Variants in PTPRT observed in about 807,000 individuals in gnomAD.
PTPRT encodes receptor-type tyrosine-protein phosphatase T.
In PTPRT, 56 loss-of-function variants were observed where a neutral mutation model predicts 176.8. That is an observed-to-expected ratio of 0.32 (90% CI 0.26 to 0.40). The LOEUF is 0.40. Among genes scored for constraint, PTPRT ranks in the 10% least tolerant of loss-of-function variants. The probability of loss-of-function intolerance (pLI) is 1.00; values close to 1 mark genes in which losing one functional copy is unlikely to be tolerated. For missense variants in PTPRT, 1,540 were observed against 1,908.2 expected (o/e 0.81, Z 3.60); for synonymous variants, 783 against 739.0 (o/e 1.06, Z -0.96).
chr20:42,480,121 C>T (rs577023311), intron 7 of PTPRT, among the ~76,000 whole-genome samples: 3 of 152,282 alleles, frequency 2.0e-5, no homozygotes, highest in South Asian at 2.1e-4. Context: ...AGCATGGAGG[C>T]ATCATGACAT....
chr20:42,805,153 C>A (rs1209275285), intron 2 of PTPRT, among the ~76,000 whole-genome samples: 3 of 152,130 alleles, frequency 2.0e-5, no homozygotes, highest in Non-Finnish European at 4.4e-5. Flanking sequence ...TAAAACAATA[C>A]ATGGGGAAAC....
intron 15 of PTPRT, among the ~76,000 whole-genome samples, chr20:42,222,612 C>A (rs1450689468): frequency 6.6e-6 from 1 of 152,204 alleles, no homozygotes; most frequent in Non-Finnish European, 1.5e-5. Flanking sequence ...CCTATGAGGG[C>A]TGCGTTTGGA....
chr20:43,007,153 C>T (rs889970667), intron 1 of PTPRT, among the ~76,000 whole-genome samples: 2 of 152,136 alleles, frequency 1.3e-5, no homozygotes, highest in African/African-American at 2.4e-5. Context: ...GAAACCTCAT[C>T]ACTTATGTAG....
rs1205050074 is a variant in PTPRT, at chr20:42,654,946, C to G, written c.1153+22920G>C. Among the ~76,000 whole-genome samples, 4 of 152,294 alleles carry G rather than the reference C, an allele frequency of 2.6e-5. No homozygotes were observed. The East Asian group carries it at 7.7e-4, about 29-fold the overall frequency. On this transcript the variant is annotated intron_variant, in intron 7 of 30. Coordinates refer to ENST00000373187, the MANE Select transcript of PTPRT (RefSeq NM_007050.6). Reference sequence around the variant, plus strand: ...TATCTTATTGCATTAATGTTATATGCATTTAAATTCACTTTCCCATTTAGT... The same window carrying G: ...TATCTTATTGCATTAATGTTATATGGATTTAAATTCACTTTCCCATTTAGT...
intron 7 of PTPRT, among the ~76,000 whole-genome samples, chr20:42,474,714 C>T (rs1431617489): frequency 6.6e-6 from 1 of 152,198 alleles, no homozygotes; most frequent in African/African-American, 2.4e-5. Context: ...GTTGTACCGA[C>T]TGCAATGAGA....
chr20:42,621,254 A>G (rs1219319026), intron 7 of PTPRT, among the ~76,000 whole-genome samples: 1 of 151,750 alleles, frequency 6.6e-6, no homozygotes, highest in East Asian at 1.9e-4. Flanking sequence ...GCCCACACCA[A>G]TTACCCTCTT....
chr20:42,422,698 G>A (rs547346306), intron 9 of PTPRT, among the ~76,000 whole-genome samples: 2 of 152,144 alleles, frequency 1.3e-5, no homozygotes, highest in Non-Finnish European at 2.9e-5. Context: ...CCATTACTGG[G>A]TATATACCCA....
intron 2 of PTPRT, among the ~76,000 whole-genome samples, chr20:42,882,430 G>T (rs759673102): frequency 1.8e-4 from 28 of 152,176 alleles, no homozygotes; most frequent in Admixed American, 9.2e-4. Context: ...AGAAGCAAAA[G>T]CCATGTCTTT....
rs936037818 is a variant in PTPRT at position 42,129,140 on chromosome 20, A to G, written c.2771-310T>C. ...GGGATGGAAATACTTGCTTCATAGG[A>G]CAATGTGAGAGAGACCATATAAAAA... On this transcript the variant is annotated intron_variant, in intron 18 of 30. Coordinates refer to ENST00000373187, the MANE Select transcript of PTPRT (RefSeq NM_007050.6). 2.0e-5 allele frequency among the ~76,000 whole-genome samples: 3 copies of G among 152,222 alleles called. No homozygotes were observed. The East Asian group carries it at 5.8e-4, about 29-fold the overall frequency.
chr20:42,462,855 T>C (rs1481406771), intron 8 of PTPRT, among the ~76,000 whole-genome samples: 1 of 152,218 alleles, frequency 6.6e-6, no homozygotes, highest in Non-Finnish European at 1.5e-5. Context: ...CTACAGCCTC[T>C]GTAGCGAGCC....
chr20:42,591,281 T>A lies in PTPRT; in HGVS notation c.1153+86585A>T, dbSNP rs1041076795. Among the ~76,000 whole-genome samples the A allele has an allele frequency of 3.9e-5, 6 of 152,176 alleles. No homozygotes were observed. The South Asian group carries it at 8.3e-4, about 21-fold the overall frequency. ...GAAAAAGAGAGGGAAAGAGAAGCCT[T>A]AAGCTAAGTCTAAAAACAAAGACTT... On this transcript the variant is annotated intron_variant, in intron 7 of 30. Coordinates refer to ENST00000373187, the MANE Select transcript of PTPRT (RefSeq NM_007050.6).
the PTPRT span, among the ~76,000 whole-genome samples, chr20:42,041,277 A>G: frequency 2.0e-5 from 3 of 152,154 alleles, no homozygotes; most frequent in African/African-American, 2.4e-5. Flanking sequence ...GTTCATAACA[A>G]TCTCTAAAGA....
intron 7 of PTPRT, among the ~76,000 whole-genome samples, chr20:42,636,881 G>C (rs2074613508): frequency 6.6e-6 from 1 of 151,474 alleles, no homozygotes; most frequent in East Asian, 1.9e-4. Flanking sequence ...GTGTGGATCT[G>C]ATGGCTTTTG....
At chr20:42,105,930 T>C (rs553377977) in intron 24 of PTPRT, among the ~76,000 whole-genome samples, 3 of 152,310 alleles carry the variant, frequency 2.0e-5, no homozygotes, top group Admixed American at 1.3e-4. Flanking sequence ...GAACAGAAGA[T>C]GGGCTCGTTA....
intron 7 of PTPRT, among the ~76,000 whole-genome samples, chr20:42,482,088 G>T (rs1397827895): frequency 6.6e-6 from 1 of 152,136 alleles, no homozygotes; most frequent in Non-Finnish European, 1.5e-5. Context: ...CCTGAAAAAG[G>T]GACCTTGGGC....
chr20:43,032,473 TA>T (rs375146456), intron 1 of PTPRT, among the ~76,000 whole-genome samples: 12,733 of 121,532 alleles, frequency 0.1, 578 homozygotes, highest in Middle Eastern at 0.21. Context: ...ATCTTTTCAT[TA>T]AAAAAAAAAA....
intron 7 of PTPRT, among the ~76,000 whole-genome samples, chr20:42,525,150 T>C (rs2145512978): frequency 6.6e-6 from 1 of 152,158 alleles, no homozygotes; most frequent in Admixed American, 6.5e-5. Context: ...AGCTGGCTAA[T>C]TTTTTAATTT....
At position 42,774,895 on chromosome 20, in the gene PTPRT, C is replaced by T. The variant is rs1032566174; in HGVS notation, c.569-3345G>A. Among the ~76,000 whole-genome samples, 6 of 152,288 alleles carry T rather than the reference C, an allele frequency of 3.9e-5. No homozygotes were observed. In the East Asian group the frequency reaches 1.2e-3, roughly 29 times the overall value. On this transcript the variant is annotated intron_variant, in intron 4 of 30. Coordinates refer to ENST00000373187, the MANE Select transcript of PTPRT (RefSeq NM_007050.6). ...TGGGGGGCCTGTATGGTCCTCTTCC[C>T]TGCGTTCCTGGCCTCTCTGACCCTC... is the stretch of plus-strand genomic sequence containing the variant.
At chr20:42,612,270 T>C (rs923088361) in intron 7 of PTPRT, among the ~76,000 whole-genome samples, 2 of 152,208 alleles carry the variant, frequency 1.3e-5, no homozygotes, top group South Asian at 2.1e-4. Context: ...GAAAATGTAT[T>C]CTCCACACAT....
Sources: allele counts gnomAD v4.1 joint callset (sites outside exome capture counted in the v4.1 genomes callset), GRCh38; gene constraint gnomAD v4.1.1; transcripts MANE v1.5; gene names NCBI Gene and HGNC (gene_info 2026-07-23, HGNC 2026-07-21).